Variants in DCC observed in about 807,000 individuals in gnomAD.
The protein encoded by DCC is netrin receptor DCC.
In DCC, 58 loss-of-function variants were observed where a neutral mutation model predicts 172.5. The ratio of observed to expected loss-of-function variants is 0.34; its 90% CI spans 0.27 to 0.42. The LOEUF is 0.42. Among genes scored for constraint, DCC ranks in the 10% least tolerant of loss-of-function variants. The pLI, the probability that DCC is intolerant of heterozygous loss-of-function variation, is 1.00. For synonymous variants in DCC, 709 were observed against 644.5 expected, an observed-to-expected ratio of 1.10 and a Z score of -1.52; for missense variants, 1,740 against 1,791.0, an observed-to-expected ratio of 0.97 and a Z score of 0.51.
At chr18:52,877,146 A>G (rs1262225111) in intron 2 of DCC, among the ~76,000 whole-genome samples, 19 of 152,180 alleles carry the variant, frequency 1.2e-4, no homozygotes, top group Admixed American at 1.2e-3. Flanking sequence ...GTCTAGGTCA[A>G]TCTCAACACT....
chr18:53,431,320 T>C (rs1911597287), intron 21 of DCC, among the ~76,000 whole-genome samples: 1 of 151,744 alleles, frequency 6.6e-6, no homozygotes, highest in South Asian at 2.1e-4. Flanking sequence ...AATTCCAAAG[T>C]TGTTAAGTGA....
intron 2 of DCC, among the ~76,000 whole-genome samples, chr18:52,828,592 T>A (rs2038554951): frequency 6.6e-6 from 1 of 152,140 alleles, no homozygotes; most frequent in Non-Finnish European, 1.5e-5. Flanking sequence ...GTTGTCATTG[T>A]GAATAAGAAT....
intron 1 of DCC, among the ~76,000 whole-genome samples, chr18:52,412,497 C>A (rs1374410224): frequency 6.6e-6 from 1 of 151,962 alleles, no homozygotes; most frequent in East Asian, 1.9e-4. Context: ...TTTATATAGG[C>A]ATGTATTTAT....
intron 1 of DCC, among the ~76,000 whole-genome samples, chr18:52,462,509 C>T (rs1345384608): frequency 6.6e-6 from 1 of 152,154 alleles, no homozygotes; most frequent in Non-Finnish European, 1.5e-5. Context: ...TCCTTCCCCT[C>T]ATATTGCCTC....
At chr18:53,336,009 T>A (rs937577555) in intron 14 of DCC, among the ~76,000 whole-genome samples, 10 of 152,138 alleles carry the variant, frequency 6.6e-5, no homozygotes, top group South Asian at 2.1e-4. Flanking sequence ...CCACAACACG[T>A]AGGAATTGTG....
chr18:53,464,240 C>A (rs114723995), intron 24 of DCC, among the ~76,000 whole-genome samples: 1 of 152,146 alleles, frequency 6.6e-6, no homozygotes, highest in Non-Finnish European at 1.5e-5. Context: ...TACAGAAGCA[C>A]CACAGGATTA....
rs537238449 is a variant in DCC at position 52,435,916 on chromosome 18, G to T, written c.91+95038G>T. 6.6e-5 allele frequency among the ~76,000 whole-genome samples: 10 copies of T among 152,274 alleles called. No homozygotes were observed. In the South Asian group the frequency reaches 1.2e-3, roughly 19 times the overall value. On this transcript the variant is annotated intron_variant, in intron 1 of 28. Coordinates refer to ENST00000442544, the MANE Select transcript of DCC (RefSeq NM_005215.4). ...TCTCCAATCAAATATACACAATCCT[G>T]CCCGCTGAACCAAACAGGCCTTCTA...
intron 1 of DCC, among the ~76,000 whole-genome samples, chr18:52,590,721 GC>G (rs1172666770): frequency 1.3e-5 from 2 of 152,294 alleles, no homozygotes; most frequent in East Asian, 3.9e-4. Context: ...GATTCCCAGT[GC>G]CCCCATGGTA....
chr18:52,629,717 G>A (rs1357681572), intron 1 of DCC, among the ~76,000 whole-genome samples: 1 of 151,984 alleles, frequency 6.6e-6, no homozygotes, highest in South Asian at 2.1e-4. Flanking sequence ...TTGGGAGGCC[G>A]AGGCGGGCAG....
chr18:52,979,676 A>G (rs1277474151), intron 5 of DCC, among the ~76,000 whole-genome samples: 1 of 152,198 alleles, frequency 6.6e-6, no homozygotes, highest in African/African-American at 2.4e-5. Flanking sequence ...ACCCATGAGG[A>G]GTCTGAGATT....
At chr18:52,400,658 A>C (rs1287984249) in intron 1 of DCC, among the ~76,000 whole-genome samples, 1 of 152,070 alleles carries the variant, frequency 6.6e-6, no homozygotes, top group Admixed American at 6.6e-5. Flanking sequence ...TGTTTATTGC[A>C]GCACTGTTCA....
At chr18:52,817,429 TAA>T (rs902968964) in intron 2 of DCC, among the ~76,000 whole-genome samples, 16 of 152,174 alleles carry the variant, frequency 1.1e-4, no homozygotes, top group African/African-American at 2.7e-4. Flanking sequence ...TAGAAAATGC[TAA>T]GTTAATTATA....
At chr18:53,314,444 T>A (rs1045519510) in intron 13 of DCC, among the ~76,000 whole-genome samples, 1 of 152,228 alleles carries the variant, frequency 6.6e-6, no homozygotes, top group Non-Finnish European at 1.5e-5. Context: ...AGTGATACTA[T>A]GGTAAATCAG....
At chr18:53,105,164 G>T (rs1044647738) in intron 7 of DCC, among the ~76,000 whole-genome samples, 3 of 152,004 alleles carry the variant, frequency 2.0e-5, no homozygotes, top group African/African-American at 7.2e-5. Flanking sequence ...TGACTAAAAG[G>T]TTCTATGCAT....
At chr18:52,627,361 G>C (rs1386118103) in intron 1 of DCC, among the ~76,000 whole-genome samples, 1 of 152,154 alleles carries the variant, frequency 6.6e-6, no homozygotes, top group Non-Finnish European at 1.5e-5. Context: ...TAATACTAGG[G>C]ATGAGTAAGG....
intron 8 of DCC, among the ~76,000 whole-genome samples, chr18:53,167,890 A>G (rs905537859): frequency 7.2e-5 from 11 of 152,170 alleles, no homozygotes; most frequent in East Asian, 3.9e-4. Flanking sequence ...TTGGATTCCA[A>G]TTGGGTTTCA....
chr18:52,953,050 C>T (rs1166316818), intron 5 of DCC, among the ~76,000 whole-genome samples: 1 of 141,044 alleles, frequency 7.1e-6, no homozygotes, highest in Non-Finnish European at 1.5e-5. Context: ...GCCTTTAATA[C>T]CTCTCTAATA....
chr18:53,337,031 C>T (rs1041659040), intron 14 of DCC, among the ~76,000 whole-genome samples: 14 of 152,308 alleles, frequency 9.2e-5, no homozygotes, highest in Admixed American at 2.6e-4. Flanking sequence ...TGGAGTCTTA[C>T]GTTCTTCAAG....
intron 1 of DCC, among the ~76,000 whole-genome samples, chr18:52,650,824 G>A (rs2035117837): frequency 6.6e-6 from 1 of 152,142 alleles, no homozygotes; most frequent in Non-Finnish European, 1.5e-5. Flanking sequence ...AAGTACCATT[G>A]AACAGCAAAG....
Sources: gnomAD v4.1 joint callset for allele counts (sites outside exome capture counted in the v4.1 genomes callset) on GRCh38, gnomAD v4.1.1 for gene constraint, MANE v1.5 for transcripts, NCBI Gene and HGNC (gene_info 2026-07-23, HGNC 2026-07-21) for gene names.